The following MYLK3 variants were observed in gnomAD, a reference collection of about 807,000 sequenced individuals.
The protein encoded by MYLK3 is myosin light chain kinase 3.
A neutral mutation model predicts 76.3 loss-of-function variants in MYLK3; 55 were observed. The observed-to-expected ratio is 0.72, with a 90% CI of 0.58 to 0.90. The LOEUF is 0.90. Among genes scored for constraint, MYLK3 ranks in the 40% least tolerant of loss-of-function variants. MYLK3 has a pLI of 0.00. For synonymous variants in MYLK3, 416 were observed against 425.4 expected (o/e 0.98, Z 0.27); for missense variants, 973 against 1,053.6 (o/e 0.92, Z 1.06).
intron 9 of MYLK3, among the ~76,000 whole-genome samples, chr16:46,718,829 G>C (rs926126000): frequency 8.6e-5 from 13 of 151,958 alleles, no homozygotes; most frequent in South Asian, 2.1e-4. Flanking sequence ...AGCCAGGCGT[G>C]GTGGCAGGCG....
chr16:46,737,828 G>T lies in MYLK3; in HGVS notation c.884C>A (p.Pro295His). 1.9e-6 allele frequency: 3 copies of T among 1,613,532 alleles called. No homozygotes were observed. Among genetic ancestry groups the T allele is most frequent in the Non-Finnish European group, 2.5e-6 (3 of 1,180,036 alleles). ...CCTCGTGCCTTCCTCTAAGGGCTCA[G>T]GGTCAGGCCTGCTGGACGATGCTCC... ...GQGASSSRPD[P>H]EPLEEGTRLT... Residue 295 changes from proline (P) to histidine (H), a missense_variant, in exon 3 of 13, where the codon CCT becomes CAT. By Grantham distance (77) the Pro-to-His change is moderately conservative. Around this residue, in one of 2 missense-constraint regions of MYLK3, gnomAD observed 641 missense variants for 637.0 expected, o/e 1.01. Transcript: ENST00000394809.
intron 9 of MYLK3, among the ~76,000 whole-genome samples, chr16:46,715,804 C>A (rs1310206693): frequency 1.3e-5 from 2 of 152,122 alleles, no homozygotes; most frequent in Non-Finnish European, 2.9e-5. Flanking sequence ...CTGCTGAAAA[C>A]CAACTTTATT....
At chr16:46,740,554 T>A (rs796851814) in intron 1 of MYLK3, among the ~76,000 whole-genome samples, 6,655 of 133,700 alleles carry the variant, frequency 0.05, 144 homozygotes, top group Middle Eastern at 0.092. Flanking sequence ...TATATATATT[T>A]TTTTTTTTTT....
At chr16:46,740,992 A>G (rs937241243) in intron 1 of MYLK3, among the ~76,000 whole-genome samples, 2 of 152,178 alleles carry the variant, frequency 1.3e-5, no homozygotes, top group African/African-American at 4.8e-5. Context: ...TGTGCCTGGG[A>G]GCTGGGTTGG....
upstream of MYLK3, among the ~76,000 whole-genome samples, chr16:46,752,931 A>G (rs1967145265): frequency 6.6e-6 from 1 of 152,206 alleles, no homozygotes; most frequent in Non-Finnish European, 1.5e-5. Context: ...AAGTTGAAAG[A>G]CTGACCTCTC....
At chr16:46,741,496 T>C (rs1966929704) in intron 1 of MYLK3, among the ~76,000 whole-genome samples, 1 of 152,228 alleles carries the variant, frequency 6.6e-6, no homozygotes, top group African/African-American at 2.4e-5. Flanking sequence ...ATGGTGCTTC[T>C]GGGGTTTGGA....
At chr16:46,745,911 T>TA (rs1967013039) in intron 1 of MYLK3, among the ~76,000 whole-genome samples, 1 of 152,100 alleles carries the variant, frequency 6.6e-6, no homozygotes, top group Non-Finnish European at 1.5e-5. Context: ...CACGCTTGCC[T>TA]AGGGGGCCAG....
At chr16:46,710,898 G>C in intron 10 of MYLK3, 109 bp from the exon 11 acceptor site, 6 of 1,330,674 alleles carry the variant, frequency 4.5e-6, no homozygotes, top group Non-Finnish European at 6.4e-6. Flanking sequence ...AGAACCAAGA[G>C]GGTTCAAAAT....
At chr16:46,730,163 G>T (rs915185833) in intron 5 of MYLK3, among the ~76,000 whole-genome samples, 4 of 147,684 alleles carry the variant, frequency 2.7e-5, no homozygotes, top group African/African-American at 1.0e-4. Flanking sequence ...CACCACCTGG[G>T]CCATCCTGCA....
chr16:46,709,762 T>TA, intron 11 of MYLK3, 91 bp from the exon 12 acceptor site: 1 of 1,437,086 alleles, frequency 7.0e-7, no homozygotes, highest in Admixed American at 2.1e-5. Context: ...CCTGAGTCAG[T>TA]GGAACAGATT....
At chr16:46,755,207 C>T (rs1967182050) in intron 1 of MYLK3, among the ~76,000 whole-genome samples, 1 of 152,038 alleles carries the variant, frequency 6.6e-6, no homozygotes, top group African/African-American at 2.4e-5. Context: ...CCCACGCACG[C>T]TTTCTAAGGA....
chr16:46,723,849 A>AT (rs1555469889), intron 8 of MYLK3, among the ~76,000 whole-genome samples: 1 of 152,122 alleles, frequency 6.6e-6, no homozygotes, highest in Non-Finnish European at 1.5e-5. Context: ...GGGCTTCTCC[A>AT]TGTTGGTCAG....
chr16:46,718,999 T>C (rs1226344746), intron 9 of MYLK3, among the ~76,000 whole-genome samples: 1 of 149,054 alleles, frequency 6.7e-6, no homozygotes, highest in Non-Finnish European at 1.5e-5. Flanking sequence ...TCCAGAAGAG[T>C]TGAAAATTCA....
At chr16:46,724,598 A>G (rs1351542777) in intron 8 of MYLK3, among the ~76,000 whole-genome samples, 1 of 152,236 alleles carries the variant, frequency 6.6e-6, no homozygotes, top group Non-Finnish European at 1.5e-5. Flanking sequence ...TCACAAATCA[A>G]TTGACCATAA....
chr16:46,716,495 ATATGTGTGTGTGTG>A (rs1404269070), intron 9 of MYLK3, among the ~76,000 whole-genome samples: 16 of 145,086 alleles, frequency 1.1e-4, no homozygotes, highest in Non-Finnish European at 1.5e-4. Flanking sequence ...ATGTGTATAT[ATATGTGTGTGTGTG>A]TGTGTGTGTG....
intron 3 of MYLK3, among the ~76,000 whole-genome samples, chr16:46,734,211 T>C (rs1378230661): frequency 6.6e-6 from 1 of 152,190 alleles, no homozygotes; most frequent in East Asian, 1.9e-4. Context: ...ACGCATTATA[T>C]AGCACAGAAT....
intron 1 of MYLK3, among the ~76,000 whole-genome samples, chr16:46,747,047 C>G (rs1219339696): frequency 6.6e-6 from 1 of 152,164 alleles, no homozygotes; most frequent in South Asian, 2.1e-4. Context: ...AAGTGGCTGA[C>G]CCCTAGCTGT....
intron 2 of MYLK3, among the ~76,000 whole-genome samples, chr16:46,739,225 G>T (rs1966891899): frequency 6.6e-6 from 1 of 152,140 alleles, no homozygotes; most frequent in South Asian, 2.1e-4. Context: ...GGGCTCAAAT[G>T]ATACTCCTGC....
At chr16:46,715,776 G>A (rs1449596184) in intron 9 of MYLK3, among the ~76,000 whole-genome samples, 11 of 152,136 alleles carry the variant, frequency 7.2e-5, no homozygotes, top group Admixed American at 7.2e-4. Flanking sequence ...TGCCTCCACT[G>A]CACCAGGAGC....
Sources: allele counts gnomAD v4.1 joint callset (sites outside exome capture counted in the v4.1 genomes callset), GRCh38; gene constraint gnomAD v4.1.1; regional missense constraint gnomAD v4.1.1; transcripts MANE v1.5; gene names NCBI Gene and HGNC (gene_info 2026-07-23, HGNC 2026-07-21).